PACRG: variants seen among roughly 807,000 people sequenced by gnomAD.
The protein encoded by PACRG is parkin coregulated gene protein.
PACRG carries 29 observed loss-of-function variants against 29.7 expected under a neutral mutation model. That is an observed-to-expected ratio of 0.98 (90% CI 0.73 to 1.33). The LOEUF is 1.33. Among genes scored for constraint, PACRG ranks in the 40% most tolerant of loss-of-function variants. PACRG has a pLI of 0.00. For synonymous variants in PACRG, 116 were observed against 118.7 expected (o/e 0.98, Z 0.15); for missense variants, 279 against 316.2 (o/e 0.88, Z 0.89).
chr6:163,193,742 GC>G (rs1780322658), intron 4 of PACRG, among the ~76,000 whole-genome samples: 1 of 151,978 alleles, frequency 6.6e-6, no homozygotes, highest in African/African-American at 2.4e-5. Context: ...AATTGTACCA[GC>G]CCGTCATAGT....
rs981463755 is a variant in PACRG at position 162,730,728 on chromosome 6, ACTTT to A, written c.156+2343_156+2346del. 5.3e-5 allele frequency among the ~76,000 whole-genome samples: 8 copies of A among 152,226 alleles called. No homozygotes were observed. The East Asian group carries it at 1.5e-3, about 29-fold the overall frequency. ...AATATTTTTCTTCAATAGAAACTAG[ACTTT>A]CTTTCCATGAAATTTTTGTTGCATT... On this transcript the variant is annotated intron_variant, in intron 1 of 4. Transcript: ENST00000366888.
At chr6:162,868,860 C>T (rs1261778280) in intron 2 of PACRG, among the ~76,000 whole-genome samples, 3 of 152,204 alleles carry the variant, frequency 2.0e-5, no homozygotes, top group East Asian at 1.9e-4. Context: ...GCACTAGAAC[C>T]TAAAACCAAA....
chr6:163,181,260 A>G (rs909899370), intron 4 of PACRG, among the ~76,000 whole-genome samples: 1 of 152,176 alleles, frequency 6.6e-6, no homozygotes, highest in African/African-American at 2.4e-5. Flanking sequence ...GGAAGGGTTA[A>G]AGAATACGTG....
intron 2 of PACRG, among the ~76,000 whole-genome samples, chr6:162,901,622 C>T (rs951257787): frequency 2.0e-5 from 3 of 152,280 alleles, no homozygotes; most frequent in East Asian, 1.9e-4. Context: ...TCAAAAACAA[C>T]GTATTCAAAT....
chr6:162,801,729 G>C (rs1785894709), intron 1 of PACRG, among the ~76,000 whole-genome samples: 1 of 152,070 alleles, frequency 6.6e-6, no homozygotes, highest in Non-Finnish European at 1.5e-5. Context: ...TATTGCAAGA[G>C]ATTTCACCTA....
chr6:163,014,927 C>T (rs1336765590), intron 2 of PACRG, among the ~76,000 whole-genome samples: 1 of 152,056 alleles, frequency 6.6e-6, no homozygotes, highest in Non-Finnish European at 1.5e-5. Context: ...TTCCCAAGGC[C>T]CATGTCCAAA....
At chr6:163,274,322 G>A (rs1783949587) in intron 4 of PACRG, among the ~76,000 whole-genome samples, 1 of 152,086 alleles carries the variant, frequency 6.6e-6, no homozygotes. Flanking sequence ...GAGAATGATG[G>A]TTTCCAGCTT....
intron 4 of PACRG, among the ~76,000 whole-genome samples, chr6:163,269,782 C>G (rs11754059): frequency 1.4e-5 from 1 of 70,698 alleles, no homozygotes; most frequent in Admixed American, 1.5e-4. Flanking sequence ...GACAGACAGA[C>G]AGAAAGAAAG....
chr6:163,088,253 A>G (rs1813776156), intron 3 of PACRG, among the ~76,000 whole-genome samples: 1 of 152,144 alleles, frequency 6.6e-6, no homozygotes, highest in Admixed American at 6.5e-5. Flanking sequence ...TTAAGGTCAT[A>G]GTCAATCTTT....
intron 2 of PACRG, among the ~76,000 whole-genome samples, chr6:162,892,360 G>A (rs1037509368): frequency 3.3e-5 from 5 of 152,144 alleles, no homozygotes; most frequent in East Asian, 3.9e-4. Flanking sequence ...ACTAAGACAC[G>A]TTGTTCACTG....
chr6:163,098,941 C>T (rs887024098), intron 4 of PACRG, among the ~76,000 whole-genome samples: 2 of 152,148 alleles, frequency 1.3e-5, no homozygotes, highest in African/African-American at 2.4e-5. Flanking sequence ...TCACTCTCAT[C>T]GCCATCTTGG....
intron 4 of PACRG, among the ~76,000 whole-genome samples, chr6:163,307,316 A>G (rs1202757692): frequency 1.3e-5 from 2 of 152,234 alleles, no homozygotes; most frequent in African/African-American, 4.8e-5. Context: ...GGTGTCAAGA[A>G]GAGAGAAAGA....
intron 2 of PACRG, among the ~76,000 whole-genome samples, chr6:163,012,992 A>G (rs1805755607): frequency 6.6e-6 from 1 of 152,236 alleles, no homozygotes; most frequent in Non-Finnish European, 1.5e-5. Flanking sequence ...ATTGTAAAAT[A>G]CAAGATTTTG....
At chr6:162,894,242 A>G (rs1177174136) in intron 2 of PACRG, among the ~76,000 whole-genome samples, 1 of 152,210 alleles carries the variant, frequency 6.6e-6, no homozygotes, top group Admixed American at 6.5e-5. Flanking sequence ...GCACCAAATT[A>G]CAGGCCTTAA....
intron 3 of PACRG, among the ~76,000 whole-genome samples, chr6:163,074,850 A>G (rs1039489672): frequency 6.6e-6 from 1 of 152,054 alleles, no homozygotes; most frequent in Non-Finnish European, 1.5e-5. Context: ...AATTAGCCAG[A>G]TGTGGTGATG....
At chr6:163,071,659 T>A (rs1812065087) in intron 3 of PACRG, among the ~76,000 whole-genome samples, 1 of 142,464 alleles carries the variant, frequency 7.0e-6, no homozygotes, top group African/African-American at 2.7e-5. Context: ...AAACCCAAAA[T>A]TAGTAGGAGA....
At position 163,041,346 on chromosome 6, in the gene PACRG, T is replaced by A. The variant is rs569965500; in HGVS notation, c.292-20804T>A. ...AGCAAGACTCTGTCTCAAAAAAAAATAAAAATAAAAAATAATCCCCATACA... is the reference window on the plus strand; with the variant it reads ...AGCAAGACTCTGTCTCAAAAAAAAAAAAAAATAAAAAATAATCCCCATACA... On this transcript the variant is annotated intron_variant, in intron 2 of 4. Coordinates refer to ENST00000366888, the MANE Select transcript of PACRG (RefSeq NM_001080379.2). Among the ~76,000 whole-genome samples the A allele has an allele frequency of 4.4e-3, 670 of 150,654 alleles. 6 individuals are homozygous for A. Among genetic ancestry groups the A allele is most frequent in the African/African-American group, 0.015 (629 of 41,146 alleles).
chr6:162,895,858 G>C (rs1795126696), intron 2 of PACRG, among the ~76,000 whole-genome samples: 1 of 152,154 alleles, frequency 6.6e-6, no homozygotes, highest in Non-Finnish European at 1.5e-5. Context: ...TGAATTCACT[G>C]CTCCCTTTGC....
chr6:163,037,076 A>G (rs931192507), intron 2 of PACRG, among the ~76,000 whole-genome samples: 1 of 152,184 alleles, frequency 6.6e-6, no homozygotes, highest in Admixed American at 6.5e-5. Flanking sequence ...TTGGGAACAA[A>G]TGCCTCAATG....
Sources: allele counts gnomAD v4.1 joint callset (sites outside exome capture counted in the v4.1 genomes callset), GRCh38; gene constraint gnomAD v4.1.1; transcripts MANE v1.5; gene names NCBI Gene and HGNC (gene_info 2026-07-23, HGNC 2026-07-21).